The following MTREX variants were observed in gnomAD, a reference collection of about 807,000 sequenced individuals.
MTREX encodes Mtr4 exosome RNA helicase.
A neutral mutation model predicts 135.4 loss-of-function variants in MTREX; 76 were observed. That is an observed-to-expected ratio of 0.56 (90% CI 0.47 to 0.68). MTREX has a LOEUF of 0.68. Ranked by LOEUF, MTREX falls within the 30% of genes least tolerant of loss-of-function variation. The probability of loss-of-function intolerance (pLI) is 0.00; values close to 1 mark genes in which losing one functional copy is unlikely to be tolerated. For missense variants in MTREX, 920 were observed against 1,262.1 expected, an observed-to-expected ratio of 0.73 and a Z score of 4.11; for synonymous variants, 404 against 401.6, an observed-to-expected ratio of 1.01 and a Z score of -0.07.
chr5:55,358,397 T>C (rs1749955976), intron 14 of MTREX, among the ~76,000 whole-genome samples, 176 bp from the exon 15 acceptor site: 1 of 152,190 alleles, frequency 6.6e-6, no homozygotes, highest in Non-Finnish European at 1.5e-5. Context: ...TATTCTCACA[T>C]GTTTTGCATT....
intron 1 of MTREX, among the ~76,000 whole-genome samples, chr5:55,319,492 A>G (rs146523343): frequency 5.9e-5 from 9 of 152,324 alleles, no homozygotes; most frequent in South Asian, 2.1e-4. Flanking sequence ...TTGTTGGCCA[A>G]TAAGTTATAA....
rs779797108 is a variant in MTREX, at chr5:55,347,107, C to T, written c.1203C>T (p.Ala401=). The part of the protein sequence containing the change: ...IFSFSKKDCE[A]YALQMTKLDF... ...GTTTTAGTAAGAAAGATTGTGAAGC[C>T]TATGCACTTCAAATGACCAAATTAG... The change falls in exon 11 of 27, where the codon GCC becomes GCT. Residue 401 remains alanine (A), a synonymous_variant. Transcript: ENST00000230640. 3 of 1,606,542 alleles carry T rather than the reference C, an allele frequency of 1.9e-6. No individual in the cohort carries two copies. Among genetic ancestry groups the T allele is most frequent in the Admixed American group, 1.7e-5 (1 of 58,916 alleles).
At chr5:55,324,657 A>AG (rs910072699) in intron 3 of MTREX, 1 of 151,718 alleles carries the variant, frequency 6.6e-6, no homozygotes, top group Non-Finnish European at 1.5e-5. Context: ...TATGTTGGCC[A>AG]GGCTGGTCTC....
At chr5:55,317,002 A>G (rs1175788124) in intron 1 of MTREX, among the ~76,000 whole-genome samples, 2 of 152,148 alleles carry the variant, frequency 1.3e-5, no homozygotes, top group African/African-American at 2.4e-5. Context: ...TGAGAGCCAG[A>G]TAAGAGAAGC....
intron 11 of MTREX, 106 bp downstream of exon 11, chr5:55,347,250 C>A: frequency 8.7e-7 from 1 of 1,153,186 alleles, no homozygotes; most frequent in Non-Finnish European, 1.2e-6. Flanking sequence ...ATGCCATTCA[C>A]CTTACAGTTA....
At chr5:55,316,854 A>C (rs1268274325) in intron 1 of MTREX, among the ~76,000 whole-genome samples, 1 of 152,182 alleles carries the variant, frequency 6.6e-6, no homozygotes, top group Non-Finnish European at 1.5e-5. Flanking sequence ...GTTTGCAGAC[A>C]ACATAATTCT....
At chr5:55,403,386 T>G (rs1480979137) in intron 21 of MTREX, among the ~76,000 whole-genome samples, 1 of 152,180 alleles carries the variant, frequency 6.6e-6, no homozygotes, top group Non-Finnish European at 1.5e-5. Context: ...TTGTCTGGTG[T>G]CAGCCACATT....
chr5:55,417,674 T>C (rs1172453735), intron 25 of MTREX, among the ~76,000 whole-genome samples: 1 of 152,172 alleles, frequency 6.6e-6, no homozygotes. Context: ...CACAGGTTGG[T>C]GTATGACAAT....
intron 16 of MTREX, among the ~76,000 whole-genome samples, chr5:55,370,745 T>A (rs1750182738): frequency 6.6e-6 from 1 of 152,224 alleles, no homozygotes; most frequent in South Asian, 2.1e-4. Context: ...TGTGAGAGAA[T>A]ACATCCTGAA....
At chr5:55,369,915 C>CTTTTTTTTTTTTTT (rs60011222) in intron 16 of MTREX, among the ~76,000 whole-genome samples, 6 of 141,460 alleles carry the variant, frequency 4.2e-5, no homozygotes, top group Admixed American at 1.4e-4. Flanking sequence ...TTTCTTTTTT[C>CTTTTTTTTTTTTTT]TTTTTTTTTT....
At chr5:55,322,683 A>G (rs1749308281) in intron 2 of MTREX, among the ~76,000 whole-genome samples, 1 of 152,230 alleles carries the variant, frequency 6.6e-6, no homozygotes, top group African/African-American at 2.4e-5. Flanking sequence ...ATACTTTAGA[A>G]TCCAGTTTTG....
rs1412585639 is a variant in MTREX, at chr5:55,322,420, T to G, written c.228T>G (p.Phe76Leu). The change falls in exon 2 of 27, where the codon TTT becomes TTG. Residue 76 changes from phenylalanine (F) to leucine (L), a missense_variant. Physicochemically the swap from Phe to Leu is conservative, Grantham distance 22. Coordinates refer to ENST00000230640, the MANE Select transcript of MTREX (RefSeq NM_015360.5). ...VDFEGTDEPI[F>L]GKKPRIEESI... Reference sequence around the variant, plus strand: ...TCGAAGGTACAGATGAACCCATTTTTGGAAAGAAGCCCAGGATAGAAGAGT... The same window carrying G: ...TCGAAGGTACAGATGAACCCATTTTGGGAAAGAAGCCCAGGATAGAAGAGT... The G allele has an allele frequency of 6.2e-7, 1 of 1,610,222 alleles. No homozygotes were observed. The highest frequency in any genetic ancestry group is 8.5e-7 in the Non-Finnish European group (1 of 1,178,340).
At chr5:55,393,352 C>T (rs1750599528) in intron 19 of MTREX, among the ~76,000 whole-genome samples, 1 of 152,176 alleles carries the variant, frequency 6.6e-6, no homozygotes, top group Non-Finnish European at 1.5e-5. Context: ...CCACCATTTT[C>T]ACTGACACAA....
At chr5:55,366,574 T>G in intron 15 of MTREX, 151 bp from the exon 16 acceptor site, 59 of 534,474 alleles carry the variant, frequency 1.1e-4, no homozygotes, top group East Asian at 1.7e-4. Flanking sequence ...GACCTGTGGT[T>G]TTATTTTATA....
chr5:55,372,892 ATGTG>A (rs59026723), intron 16 of MTREX, among the ~76,000 whole-genome samples: 30,861 of 120,732 alleles, frequency 0.26, 3,108 homozygotes, highest in Middle Eastern at 0.36. Context: ...TAAAACTGTA[ATGTG>A]TGTGTGTGTG....
chr5:55,410,761 C>CTT, intron 23 of MTREX, 132 bp downstream of exon 23: 1 of 444,766 alleles, frequency 2.2e-6, no homozygotes, highest in East Asian at 3.4e-5. Flanking sequence ...ATCACAGCAA[C>CTT]TTTAACACAA....
rs867272724 is a variant in MTREX, at chr5:55,405,363, A to C, written c.2482-62A>C. ...ATATTTTTTGTTTGATTTCATGAAT[A>C]AATCTCCTTGTACATTGTTCACTTT... On this transcript the variant is annotated intron_variant, in intron 21 of 26. Transcript: ENST00000230640. 5.1e-6 allele frequency: 7 copies of C among 1,382,058 alleles called. No individual in the cohort carries two copies. The Middle Eastern group carries it at 7.2e-4, about 142-fold the overall frequency. The allele number at this position is 1,382,058 out of a possible 1,614,324, so 85.6% of individuals were successfully genotyped here. A position where few individuals can be genotyped will look rare whatever the true frequency, so the allele number is the denominator to read the frequency against.
chr5:55,370,974 A>G (rs1440694464), intron 16 of MTREX, among the ~76,000 whole-genome samples: 1 of 152,146 alleles, frequency 6.6e-6, no homozygotes, highest in Non-Finnish European at 1.5e-5. Flanking sequence ...TTTCATTTTG[A>G]TTTATCTAAT....
At chr5:55,381,001 A>C (rs576618738) in intron 18 of MTREX, among the ~76,000 whole-genome samples, 2 of 152,330 alleles carry the variant, frequency 1.3e-5, no homozygotes, top group Admixed American at 1.3e-4. Context: ...CTAAGAGATT[A>C]CTAAGTCAAT....
Sources: gnomAD v4.1 joint callset for allele counts (sites outside exome capture counted in the v4.1 genomes callset) on GRCh38, gnomAD v4.1.1 for gene constraint, MANE v1.5 for transcripts, NCBI Gene and HGNC (gene_info 2026-07-23, HGNC 2026-07-21) for gene names.